Variants in DOCK3 observed in about 807,000 individuals in gnomAD.
The protein encoded by DOCK3 is dedicator of cytokinesis protein 3.
Under a neutral mutation model 265.6 loss-of-function variants are expected in DOCK3, and 60 were observed. The ratio of observed to expected loss-of-function variants is 0.23; its 90% confidence interval spans 0.18 to 0.28. DOCK3 has a LOEUF of 0.28. Ranked by LOEUF, DOCK3 falls within the 10% of genes least tolerant of loss-of-function variation. The pLI, the probability that DOCK3 is intolerant of heterozygous loss-of-function variation, is 1.00. For synonymous variants in DOCK3, 881 were observed against 938.0 expected (o/e 0.94, Z 1.11); for missense variants, 1,981 against 2,594.3 (o/e 0.76, Z 5.14).
chr3:51,028,098 T>C (rs147558560), intron 5 of DOCK3, among the ~76,000 whole-genome samples: 1 of 152,290 alleles, frequency 6.6e-6, no homozygotes, highest in African/African-American at 2.4e-5. Flanking sequence ...TTTAGAGCTC[T>C]CGAGCATTTC....
At chr3:51,098,503 G>A (rs1448324576) in intron 9 of DOCK3, among the ~76,000 whole-genome samples, 1 of 152,172 alleles carries the variant, frequency 6.6e-6, no homozygotes, top group East Asian at 1.9e-4. Flanking sequence ...GAGATAATCT[G>A]CCTCTGTGAA....
chr3:51,133,608 G>A (rs535297388), intron 9 of DOCK3, among the ~76,000 whole-genome samples: 1 of 152,108 alleles, frequency 6.6e-6, no homozygotes, highest in Non-Finnish European at 1.5e-5. Context: ...ATTGTGAATA[G>A]TGCCACAATA....
At chr3:50,905,544 C>G (rs1454382131) in intron 4 of DOCK3, among the ~76,000 whole-genome samples, 3 of 152,076 alleles carry the variant, frequency 2.0e-5, no homozygotes, top group Non-Finnish European at 2.9e-5. Context: ...GGAGTTCACT[C>G]ATGATTTGGC....
At chr3:51,184,225 C>A (rs539803894) in intron 12 of DOCK3, among the ~76,000 whole-genome samples, 1 of 151,596 alleles carries the variant, frequency 6.6e-6, no homozygotes, top group East Asian at 1.9e-4. Context: ...GCAGGAGAAT[C>A]GCTTGTACCT....
chr3:50,877,352 G>T, intron 3 of DOCK3: 1 of 487,154 alleles, frequency 2.1e-6, no homozygotes, highest in South Asian at 1.5e-5. Context: ...TTTCAGCATT[G>T]TACTAGTATC....
At chr3:51,061,390 T>G (rs1038559887) in intron 5 of DOCK3, among the ~76,000 whole-genome samples, 11 of 152,140 alleles carry the variant, frequency 7.2e-5, no homozygotes, top group East Asian at 1.9e-4. Context: ...CCATAAAAAA[T>G]GATGAGTTCA....
At chr3:50,681,790 A>G (rs2034433976) in intron 1 of DOCK3, among the ~76,000 whole-genome samples, 1 of 152,230 alleles carries the variant, frequency 6.6e-6, no homozygotes, top group African/African-American at 2.4e-5. Flanking sequence ...CTCCCTTCGG[A>G]ACTCATTCAT....
intron 1 of DOCK3, among the ~76,000 whole-genome samples, chr3:50,732,031 A>G (rs563777315): frequency 6.6e-6 from 1 of 152,074 alleles, no homozygotes; most frequent in African/African-American, 2.4e-5. Flanking sequence ...AACAAGGTTA[A>G]TGTATTTAAA....
intron 3 of DOCK3, among the ~76,000 whole-genome samples, chr3:50,887,218 G>C (rs1256825771): frequency 6.6e-6 from 1 of 152,048 alleles, no homozygotes; most frequent in East Asian, 1.9e-4. Flanking sequence ...ACTACCATCA[G>C]AGAATACTAC....
At chr3:51,180,753 A>G (rs1206325497) in intron 12 of DOCK3, among the ~76,000 whole-genome samples, 2 of 152,220 alleles carry the variant, frequency 1.3e-5, no homozygotes, top group African/African-American at 2.4e-5. Flanking sequence ...TGTGGGGGCT[A>G]CCATTCAACC....
At chr3:51,180,746 G>A (rs1030150075) in intron 12 of DOCK3, among the ~76,000 whole-genome samples, 1 of 152,148 alleles carries the variant, frequency 6.6e-6, no homozygotes, top group Non-Finnish European at 1.5e-5. Context: ...ATATCTTTGT[G>A]GGGGCTACCA....
intron 27 of DOCK3, among the ~76,000 whole-genome samples, chr3:51,297,742 C>G (rs2082168532): frequency 6.6e-6 from 1 of 151,792 alleles, no homozygotes; most frequent in Admixed American, 6.6e-5. Flanking sequence ...GGAGACAAGC[C>G]TGGGCAATAG....
At chr3:50,680,332 C>T (rs945986556) in intron 1 of DOCK3, among the ~76,000 whole-genome samples, 1 of 150,988 alleles carries the variant, frequency 6.6e-6, no homozygotes, top group African/African-American at 2.4e-5. Context: ...CTGTCTCAGC[C>T]TTCTGAGTAG....
At chr3:51,328,395 G>A (rs1459564383) in intron 32 of DOCK3, among the ~76,000 whole-genome samples, 1 of 152,144 alleles carries the variant, frequency 6.6e-6, no homozygotes, top group East Asian at 1.9e-4. Flanking sequence ...AAGCTCTGAA[G>A]TGGGACTAAT....
intron 1 of DOCK3, among the ~76,000 whole-genome samples, chr3:50,765,517 G>A (rs1486489485): frequency 2.6e-5 from 4 of 152,046 alleles, no homozygotes; most frequent in Admixed American, 2.6e-4. Flanking sequence ...ATGATTTTAG[G>A]GAGAAAGCTC....
At chr3:51,298,498 A>G (rs1003058376) in intron 27 of DOCK3, among the ~76,000 whole-genome samples, 1 of 152,168 alleles carries the variant, frequency 6.6e-6, no homozygotes, top group Non-Finnish European at 1.5e-5. Context: ...TCCTGCACCT[A>G]TCAACCCATT....
At chr3:50,839,773 C>A (rs1332809080) in intron 2 of DOCK3, among the ~76,000 whole-genome samples, 1 of 121,200 alleles carries the variant, frequency 8.3e-6, no homozygotes, top group African/African-American at 3.0e-5. Flanking sequence ...TCTCTCCTCT[C>A]CTCTTCTTTT....
At chr3:51,053,987 A>T (rs2081102809) in intron 5 of DOCK3, among the ~76,000 whole-genome samples, 1 of 151,938 alleles carries the variant, frequency 6.6e-6, no homozygotes, top group Non-Finnish European at 1.5e-5. Context: ...GGACTCTGCC[A>T]CCTTCTTTGT....
intron 9 of DOCK3, among the ~76,000 whole-genome samples, chr3:51,099,412 G>A (rs1222775676): frequency 6.6e-6 from 1 of 152,220 alleles, no homozygotes; most frequent in East Asian, 1.9e-4. Context: ...ATCCTACAGA[G>A]TCTGGATAAC....
Sources: allele counts gnomAD v4.1 joint callset (sites outside exome capture counted in the v4.1 genomes callset), GRCh38; gene constraint gnomAD v4.1.1; transcripts MANE v1.5; gene names NCBI Gene and HGNC (gene_info 2026-07-23, HGNC 2026-07-21).